The following CNTN4 variants were observed in gnomAD, a reference collection of about 807,000 sequenced individuals.
The protein encoded by CNTN4 is contactin 4.
In CNTN4, 77 loss-of-function variants were observed where a neutral mutation model predicts 122.5. The ratio of observed to expected loss-of-function variants is 0.63; its 90% CI spans 0.52 to 0.76. CNTN4 has a LOEUF of 0.76. Among genes scored for constraint, CNTN4 ranks in the 30% least tolerant of loss-of-function variants. The pLI, the probability that CNTN4 is intolerant of heterozygous loss-of-function variation, is 0.00. For missense variants in CNTN4, 1,256 were observed against 1,259.1 expected (o/e 1.00, Z 0.04); for synonymous variants, 512 against 447.0 (o/e 1.15, Z -1.83).
chr3:2,560,133 C>G (rs914816535), intron 3 of CNTN4, among the ~76,000 whole-genome samples: 1 of 140,850 alleles, frequency 7.1e-6, no homozygotes, highest in Non-Finnish European at 1.6e-5. Flanking sequence ...TATTATTATT[C>G]TTTTTCTTTT....
intron 6 of CNTN4, among the ~76,000 whole-genome samples, chr3:2,756,842 G>A (rs1186254186): frequency 6.6e-6 from 1 of 152,158 alleles, no homozygotes; most frequent in African/African-American, 2.4e-5. Context: ...AAGGTGCCCA[G>A]CACTGCTGAC....
intron 23 of CNTN4, among the ~76,000 whole-genome samples, chr3:3,049,607 G>A (rs1188360218): frequency 6.6e-6 from 1 of 152,156 alleles, no homozygotes; most frequent in Non-Finnish European, 1.5e-5. Flanking sequence ...ACAAAGTACT[G>A]CAGAGAAAAA....
At chr3:2,344,772 C>G (rs116651217) in intron 3 of CNTN4, among the ~76,000 whole-genome samples, 2 of 152,234 alleles carry the variant, frequency 1.3e-5, no homozygotes, top group Non-Finnish European at 2.9e-5. Context: ...TACTGTGGTT[C>G]CAGTTAGGAA....
intron 6 of CNTN4, among the ~76,000 whole-genome samples, chr3:2,747,062 G>A (rs1413255330): frequency 2.7e-5 from 4 of 150,632 alleles, no homozygotes; most frequent in African/African-American, 9.8e-5. Flanking sequence ...GGATGTCATA[G>A]TGTAGGAAAT....
intron 4 of CNTN4, among the ~76,000 whole-genome samples, chr3:2,636,157 A>G (rs763450915): frequency 2.0e-5 from 3 of 152,196 alleles, no homozygotes; most frequent in Non-Finnish European, 4.4e-5. Context: ...TCTGCAGTGA[A>G]AAGCAGAACC....
chr3:2,783,521 AAAGG>A (rs1458642701), intron 6 of CNTN4, among the ~76,000 whole-genome samples: 2 of 152,230 alleles, frequency 1.3e-5, no homozygotes, highest in Non-Finnish European at 2.9e-5. Flanking sequence ...AGTAGGAGCC[AAAGG>A]AAGTAGTTAG....
intron 6 of CNTN4, among the ~76,000 whole-genome samples, chr3:2,757,768 C>T (rs1444853132): frequency 6.6e-6 from 1 of 152,118 alleles, no homozygotes; most frequent in African/African-American, 2.4e-5. Context: ...GGTTAAATCT[C>T]AAATTCAAGG....
At chr3:2,792,017 C>A (rs2092026944) in intron 6 of CNTN4, among the ~76,000 whole-genome samples, 1 of 152,194 alleles carries the variant, frequency 6.6e-6, no homozygotes, top group Non-Finnish European at 1.5e-5. Context: ...GTGCAGCAAA[C>A]CACCGTGGCA....
chr3:2,139,554 A>G (rs2034888605), intron 2 of CNTN4, among the ~76,000 whole-genome samples: 2 of 152,242 alleles, frequency 1.3e-5, no homozygotes, highest in Admixed American at 1.3e-4. Context: ...TAATGCAATC[A>G]AATATTGAAA....
chr3:2,432,945 C>T (rs765755489), intron 3 of CNTN4, among the ~76,000 whole-genome samples: 6 of 151,626 alleles, frequency 4.0e-5, no homozygotes, highest in Non-Finnish European at 2.9e-5. Context: ...AGCTGGATTA[C>T]AGGTGCACAC....
intron 4 of CNTN4, among the ~76,000 whole-genome samples, chr3:2,641,672 C>G (rs939706931): frequency 5.3e-5 from 8 of 152,110 alleles, no homozygotes; most frequent in Admixed American, 1.3e-4. Context: ...AATATCCCCC[C>G]CAAACTGTGG....
At chr3:2,162,864 A>G (rs112242523) in intron 2 of CNTN4, among the ~76,000 whole-genome samples, 95 of 152,290 alleles carry the variant, frequency 6.2e-4, no homozygotes, top group African/African-American at 2.2e-3. Context: ...TGGGAGGCAG[A>G]GGCGGGTGGG....
chr3:2,675,764 A>G (rs1199430857), intron 4 of CNTN4, among the ~76,000 whole-genome samples: 1 of 152,182 alleles, frequency 6.6e-6, no homozygotes, highest in Non-Finnish European at 1.5e-5. Context: ...CAACTCAAAT[A>G]CGAACACACG....
chr3:2,348,608 A>G (rs752701037), intron 3 of CNTN4, among the ~76,000 whole-genome samples: 10 of 152,166 alleles, frequency 6.6e-5, no homozygotes, highest in Non-Finnish European at 1.3e-4. Context: ...GATTTTTTTA[A>G]ATTGTTTTAC....
intron 2 of CNTN4, among the ~76,000 whole-genome samples, chr3:2,189,560 T>C (rs568734027): frequency 6.6e-6 from 1 of 152,180 alleles, no homozygotes; most frequent in African/African-American, 2.4e-5. Flanking sequence ...GAGAGATTGA[T>C]ACCCTGAGAG....
At chr3:2,366,229 A>G (rs2045371470) in intron 3 of CNTN4, among the ~76,000 whole-genome samples, 2 of 152,304 alleles carry the variant, frequency 1.3e-5, no homozygotes, top group East Asian at 1.9e-4. Context: ...TACAGGTAGA[A>G]AAAAGTACAT....
At chr3:2,625,459 A>G (rs1479547) in intron 4 of CNTN4, among the ~76,000 whole-genome samples, 70,936 of 152,080 alleles carry the variant, frequency 0.47, 17,039 homozygotes, top group East Asian at 0.77. Context: ...AATTTCCAGA[A>G]TGCTCCTCTG....
chr3:2,873,347 C>A (rs1319332102), intron 8 of CNTN4, among the ~76,000 whole-genome samples: 2 of 152,180 alleles, frequency 1.3e-5, no homozygotes, highest in African/African-American at 4.8e-5. Context: ...AGATGCTGCT[C>A]ATTGAATCCG....
At chr3:2,284,554 G>T (rs1257367456) in intron 2 of CNTN4, among the ~76,000 whole-genome samples, 1 of 152,030 alleles carries the variant, frequency 6.6e-6, no homozygotes, top group Non-Finnish European at 1.5e-5. Context: ...TATATAAAGT[G>T]TAATTTCAAG....
Sources: allele counts gnomAD v4.1 joint callset (sites outside exome capture counted in the v4.1 genomes callset), GRCh38; gene constraint gnomAD v4.1.1; transcripts MANE v1.5; gene names NCBI Gene and HGNC (gene_info 2026-07-23, HGNC 2026-07-21).